CHD9: variants seen among roughly 807,000 people sequenced by gnomAD.
CHD9 encodes the protein chromodomain helicase DNA binding protein 9, also known as ATP-dependent chromatin remodeler CHD9.
CHD9 carries 77 observed loss-of-function variants against 316.1 expected under a neutral mutation model. That is an observed-to-expected ratio of 0.24 (90% CI 0.20 to 0.29). The LOEUF (loss-of-function observed/expected upper bound fraction) is 0.29, where lower values mean the gene tolerates loss of function less well. Ranked by LOEUF, CHD9 falls within the 10% of genes least tolerant of loss-of-function variation. The pLI is 1.00. For synonymous variants in CHD9, 1,129 were observed against 1,158.3 expected, an observed-to-expected ratio of 0.97 and a Z score of 0.51; for missense variants, 2,763 against 3,438.1, an observed-to-expected ratio of 0.80 and a Z score of 4.91.
intron 2 of CHD9, among the ~76,000 whole-genome samples, chr16:53,183,666 C>T (rs1021046398): frequency 2.0e-5 from 3 of 152,112 alleles, no homozygotes; most frequent in African/African-American, 7.2e-5. Context: ...TTAATCCCAA[C>T]ATTTTGCAAG....
chr16:53,193,237 A>G lies in CHD9; in HGVS notation c.1453-16245A>G, dbSNP rs140309164. Among the ~76,000 whole-genome samples, 972 of 152,180 alleles carry G rather than the reference A, an allele frequency of 6.4e-3. 5 individuals carry two copies. The highest frequency in any genetic ancestry group is 0.01 in the Non-Finnish European group (697 of 67,992). ...GCCGAGGCAGGTGGATCATGAGGTC[A>G]GGAGATCGAGACCATCCTGGCTGAC... On this transcript the variant is annotated intron_variant, in intron 2 of 38. Coordinates refer to ENST00000447540, the MANE Select transcript of CHD9 (RefSeq NM_001308319.2).
At chr16:53,195,688 T>G (rs975594772) in intron 2 of CHD9, among the ~76,000 whole-genome samples, 1 of 152,144 alleles carries the variant, frequency 6.6e-6, no homozygotes, top group African/African-American at 2.4e-5. Flanking sequence ...TACTTTTTTT[T>G]TTTAAGTTTT....
intron 2 of CHD9, among the ~76,000 whole-genome samples, chr16:53,194,748 C>T (rs1227703936): frequency 6.6e-6 from 1 of 152,120 alleles, no homozygotes; most frequent in East Asian, 1.9e-4. Context: ...TCTTCCTGAT[C>T]CCGCCTTTTC....
At chr16:53,254,142 A>G (rs978695543) in intron 17 of CHD9, among the ~76,000 whole-genome samples, 1 of 152,114 alleles carries the variant, frequency 6.6e-6, no homozygotes, top group African/African-American at 2.4e-5. Context: ...GCACGACTGC[A>G]CTCCAGCTGG....
Position 53,195,862 on chromosome 16 carries a change from A to G in CHD9, c.1453-13620A>G, listed in dbSNP as rs1234664685. 2.7e-4 allele frequency among the ~76,000 whole-genome samples: 41 copies of G among 151,746 alleles called. 1 individual carries two copies. The highest frequency in any genetic ancestry group is 9.9e-4 in the African/African-American group (41 of 41,236). On this transcript the variant is annotated intron_variant, in intron 2 of 38. Coordinates refer to ENST00000447540, the MANE Select transcript of CHD9 (RefSeq NM_001308319.2). ...AATCTCCACCTCCCAAGTTCAAGCA[A>G]TTCTCACACCTGAATCTCCCAAGTA... is the stretch of plus-strand genomic sequence containing the variant.
At chr16:53,180,234 T>A (rs1029986341) in intron 2 of CHD9, among the ~76,000 whole-genome samples, 25 of 152,208 alleles carry the variant, frequency 1.6e-4, no homozygotes, top group Admixed American at 7.8e-4. Context: ...CTCGAACTGC[T>A]GACCTCAGGT....
chr16:53,268,167 G>T (rs2051877653), intron 22 of CHD9, 41 bp downstream of exon 22: 2 of 1,330,958 alleles, frequency 1.5e-6, no homozygotes, highest in Non-Finnish European at 2.1e-6. Context: ...TTTATTTTTA[G>T]TTATATAAGT....
chr16:53,286,802 A>G (rs180788010), intron 26 of CHD9, among the ~76,000 whole-genome samples: 59 of 152,280 alleles, frequency 3.9e-4, no homozygotes, highest in African/African-American at 1.2e-3. Flanking sequence ...CATTTAACCT[A>G]TGCACATTCT....
At chr16:53,158,360 T>C (rs1352065595) in intron 2 of CHD9, among the ~76,000 whole-genome samples, 1 of 152,112 alleles carries the variant, frequency 6.6e-6, no homozygotes, top group Admixed American at 6.5e-5. Flanking sequence ...AACACTAACA[T>C]TGAGAATATG....
Position 53,157,080 on chromosome 16 carries a change from T to C in CHD9, c.991T>C (p.Ser331Pro), listed in dbSNP as rs200005447. ...TCAGCATATCCTAAACCCCAATACA[T>C]CATTGAATTCAAATAATTTCCAAAT... ...STQHILNPNT[S>P]LNSNNFQILH... Residue 331 changes from serine (S) to proline (P), a missense_variant, in exon 2 of 39, where the codon TCA becomes CCA. Transcript: ENST00000447540. 20 of 1,612,740 alleles carry C rather than the reference T, an allele frequency of 1.2e-5. No homozygotes were observed. Among genetic ancestry groups the C allele is most frequent in the Middle Eastern group, 1.6e-4 (1 of 6,084 alleles).
At position 53,271,523 on chromosome 16, in the gene CHD9, C is replaced by G. The variant is rs186957885; in HGVS notation, c.4718-2103C>G. On this transcript the variant is annotated intron_variant, in intron 22 of 38. Transcript: ENST00000447540. ...GGCGGAGGTTGCAGTGAGCCGAGAT[C>G]ACGCTACTGCACTCCAGCCTGGCTG... Among the ~76,000 whole-genome samples the G allele has an allele frequency of 5.6e-4, 85 of 150,908 alleles. 1 individual carries two copies. The highest frequency in any genetic ancestry group is 1.7e-3 in the Admixed American group (25 of 15,106).
intron 1 of CHD9, among the ~76,000 whole-genome samples, chr16:53,068,603 CACAGCA>C (rs1290916231): frequency 6.6e-6 from 1 of 152,186 alleles, no homozygotes; most frequent in East Asian, 1.9e-4. Flanking sequence ...TGGGAACTGC[CACAGCA>C]CCCACTCCAC....
chr16:53,211,600 G>A (rs1300092198), intron 3 of CHD9, among the ~76,000 whole-genome samples: 1 of 152,060 alleles, frequency 6.6e-6, no homozygotes, highest in Non-Finnish European at 1.5e-5. Flanking sequence ...GAAAATATAG[G>A]CCTTTTTGAT....
chr16:53,314,012 A>G (rs188576952), intron 34 of CHD9, among the ~76,000 whole-genome samples: 1 of 152,282 alleles, frequency 6.6e-6, no homozygotes, highest in African/African-American at 2.4e-5. Flanking sequence ...TGGCACAAAA[A>G]GCAGAGATAA....
chr16:53,138,236 G>T (rs948954556), intron 1 of CHD9, among the ~76,000 whole-genome samples: 4 of 152,106 alleles, frequency 2.6e-5, no homozygotes, highest in Non-Finnish European at 4.4e-5. Flanking sequence ...GGGAAATTGG[G>T]CTTTATATCT....
chr16:53,255,370 C>T (rs1465374078), intron 18 of CHD9, among the ~76,000 whole-genome samples: 2 of 151,986 alleles, frequency 1.3e-5, no homozygotes, highest in African/African-American at 2.4e-5. Flanking sequence ...AACCCTTAGG[C>T]CTTGTTTTAA....
At chr16:53,212,388 G>A (rs2046401540) in intron 3 of CHD9, among the ~76,000 whole-genome samples, 1 of 148,698 alleles carries the variant, frequency 6.7e-6, no homozygotes, top group Non-Finnish European at 1.5e-5. Flanking sequence ...CTGGCTGACA[G>A]AGCGAGATTC....
At position 53,209,675 on chromosome 16, in the gene CHD9, T is replaced by G; in HGVS notation, c.1646T>G (p.Met549Arg). The G allele has an allele frequency of 6.2e-7, 1 of 1,613,784 alleles. No homozygotes were observed. The highest frequency in any genetic ancestry group is 8.5e-7 in the Non-Finnish European group (1 of 1,179,828). ...ERGERNIPRV[M>R]SPENFPTASV... ...GGGGAACGCAATATTCCACGAGTAA[T>G]GAGCCCTGAAAACTTTCCTACTGCT... The change falls in exon 3 of 39, where the codon ATG becomes AGG. Residue 549 changes from methionine to arginine, a missense_variant. By Grantham distance (91) the Met-to-Arg change is moderately conservative (BLOSUM62 -1). Coordinates refer to ENST00000447540, the MANE Select transcript of CHD9 (RefSeq NM_001308319.2).
intron 1 of CHD9, among the ~76,000 whole-genome samples, chr16:53,101,273 CTTTTTTTTTTTT>C (rs1012377760): frequency 7.2e-5 from 9 of 124,856 alleles, no homozygotes; most frequent in African/African-American, 2.7e-4. Flanking sequence ...TTTTCCTTTT[CTTTTTTTTTTTT>C]TTTTTTTGAG....
Sources: gnomAD v4.1 joint callset for allele counts (sites outside exome capture counted in the v4.1 genomes callset) on GRCh38, gnomAD v4.1.1 for gene constraint, MANE v1.5 for transcripts, NCBI Gene and HGNC (gene_info 2026-07-23, HGNC 2026-07-21) for gene names.